The following PTCHD4 variants were observed in gnomAD, a reference collection of about 807,000 sequenced individuals.
The protein encoded by PTCHD4 is patched domain containing 4, also known as patched domain-containing protein 4.
PTCHD4 carries 33 observed loss-of-function variants against 58.1 expected under a neutral mutation model. That is an observed-to-expected ratio of 0.57 (90% confidence interval 0.43 to 0.76). The LOEUF is 0.76. Among genes scored for constraint, PTCHD4 ranks in the 30% least tolerant of loss-of-function variants. PTCHD4 has a pLI of 0.00. For missense variants in PTCHD4, 1,058 were observed against 1,027.1 expected (o/e 1.03, Z -0.41); for synonymous variants, 478 against 409.6 (o/e 1.17, Z -2.02).
At chr6:48,023,705 G>A (rs1384723943) in intron 3 of PTCHD4, among the ~76,000 whole-genome samples, 1 of 152,072 alleles carries the variant, frequency 6.6e-6, no homozygotes, top group Admixed American at 6.6e-5. Flanking sequence ...CAGCAGCTCG[G>A]TTTCTCATAA....
chr6:47,931,085 G>A (rs1014338532), intron 4 of PTCHD4, among the ~76,000 whole-genome samples: 2 of 152,156 alleles, frequency 1.3e-5, no homozygotes, highest in East Asian at 1.9e-4. Context: ...GCACCCGGCC[G>A]AGCATTGTGT....
intron 4 of PTCHD4, among the ~76,000 whole-genome samples, chr6:47,981,694 G>A (rs1767888017): frequency 6.6e-6 from 1 of 152,198 alleles, no homozygotes; most frequent in South Asian, 2.1e-4. Context: ...GGTTGCAGAA[G>A]TGAGGTGGGC....
chr6:48,047,747 T>G (rs966446255), intron 3 of PTCHD4, among the ~76,000 whole-genome samples: 2 of 151,800 alleles, frequency 1.3e-5, no homozygotes, highest in Non-Finnish European at 1.5e-5. Context: ...TTCTATCATG[T>G]GAGGACAGAG....
chr6:47,884,990 G>A (rs572234843), intron 4 of PTCHD4, among the ~76,000 whole-genome samples: 29 of 152,162 alleles, frequency 1.9e-4, no homozygotes, highest in Non-Finnish European at 4.1e-4. Context: ...CTGCTATAGC[G>A]AGCTGGTATA....
intron 4 of PTCHD4, among the ~76,000 whole-genome samples, chr6:47,942,043 G>C (rs1313736715): frequency 6.6e-6 from 1 of 152,154 alleles, no homozygotes; most frequent in East Asian, 1.9e-4. Flanking sequence ...TCCCAGTGCA[G>C]GAAGCTCCCA....
intron 4 of PTCHD4, among the ~76,000 whole-genome samples, chr6:47,922,080 G>A (rs1765450781): frequency 6.6e-6 from 1 of 152,000 alleles, no homozygotes; most frequent in Non-Finnish European, 1.5e-5. Flanking sequence ...TGAGGCTGCA[G>A]TGATGTATGA....
At chr6:48,107,211 C>G (rs1447328527) in intron 1 of PTCHD4, among the ~76,000 whole-genome samples, 1 of 152,128 alleles carries the variant, frequency 6.6e-6, no homozygotes, top group African/African-American at 2.4e-5. Flanking sequence ...TACTACAAGG[C>G]TACAGTAACC....
intron 4 of PTCHD4, among the ~76,000 whole-genome samples, chr6:47,884,892 GAC>G (rs1328604312): frequency 1.3e-5 from 2 of 152,148 alleles, no homozygotes; most frequent in African/African-American, 4.8e-5. Flanking sequence ...CATGAATAGA[GAC>G]AAAAACCCCT....
intron 4 of PTCHD4, among the ~76,000 whole-genome samples, chr6:47,981,629 T>A (rs1581968491): frequency 6.6e-6 from 1 of 152,236 alleles, no homozygotes; most frequent in East Asian, 1.9e-4. Flanking sequence ...TGCCTCTCTT[T>A]ACTAAATAGA....
At chr6:48,110,596 C>T (rs1765849859) in intron 1 of PTCHD4, among the ~76,000 whole-genome samples, 1 of 150,506 alleles carries the variant, frequency 6.6e-6, no homozygotes, top group Non-Finnish European at 1.5e-5. Flanking sequence ...GTATTGTATA[C>T]TGAAAATTTG....
intron 4 of PTCHD4, among the ~76,000 whole-genome samples, chr6:47,945,887 T>A (rs970683695): frequency 5.3e-5 from 8 of 151,856 alleles, no homozygotes; most frequent in Non-Finnish European, 1.2e-4. Context: ...AATGTAAATA[T>A]TACCAATTTA....
chr6:47,914,133 A>T lies in PTCHD4; in HGVS notation c.899-34197T>A, dbSNP rs1337643102. Among the ~76,000 whole-genome samples, 11 of 152,182 alleles carry T rather than the reference A, an allele frequency of 7.2e-5. No individual in the cohort carries two copies. In the East Asian group the frequency reaches 2.1e-3, roughly 29 times the overall value. On this transcript the variant is annotated intron_variant, in intron 4 of 4. Transcript: ENST00000339488. ...AATACACTTATGTTTGGTATTATAT[A>T]CACAAAATATCTGTATGGATGATAG... is the stretch of plus-strand genomic sequence containing the variant.
At chr6:47,993,036 C>T (rs868554764) in intron 4 of PTCHD4, among the ~76,000 whole-genome samples, 3 of 152,162 alleles carry the variant, frequency 2.0e-5, no homozygotes, top group African/African-American at 7.2e-5. Context: ...AATGCCAATG[C>T]TATTTTCAGC....
intron 4 of PTCHD4, among the ~76,000 whole-genome samples, chr6:47,949,274 T>C (rs891862110): frequency 6.6e-6 from 1 of 152,110 alleles, no homozygotes; most frequent in African/African-American, 2.4e-5. Context: ...TGCAAGTATA[T>C]AGGCCATAAG....
chr6:48,099,403 G>T (rs1157968847), intron 1 of PTCHD4, among the ~76,000 whole-genome samples: 2 of 152,154 alleles, frequency 1.3e-5, no homozygotes, highest in Non-Finnish European at 2.9e-5. Flanking sequence ...AAATCTGCTT[G>T]CTTCTTTTGT....
At position 47,879,508 on chromosome 6, in the gene PTCHD4, T is replaced by C. The variant is rs373307518; in HGVS notation, c.1327A>G (p.Ile443Val). ...HETNPYQHHF[I>V]QHFLREHYNE... ...TAATGTTCACGGAGGAAGTGCTGAA[T>C]GAAGTGGTGCTGGTAGGGGTTCGTC... Residue 443 changes from isoleucine to valine, a missense_variant, in exon 5 of 5, where the codon ATT becomes GTT. Coordinates refer to ENST00000339488, the MANE Select transcript of PTCHD4 (RefSeq NM_001384253.1). 29 of 1,613,676 alleles carry C rather than the reference T, an allele frequency of 1.8e-5. No homozygotes were observed. The highest frequency in any genetic ancestry group is 1.7e-6 in the Non-Finnish European group (2 of 1,179,796).
At chr6:48,018,321 T>C (rs904417044) in intron 3 of PTCHD4, among the ~76,000 whole-genome samples, 10 of 152,198 alleles carry the variant, frequency 6.6e-5, no homozygotes, top group African/African-American at 1.9e-4. Flanking sequence ...CTAAAGGTCT[T>C]ACCTTCCCTA....
At chr6:47,967,948 A>C (rs1256453744) in intron 4 of PTCHD4, among the ~76,000 whole-genome samples, 2 of 152,136 alleles carry the variant, frequency 1.3e-5, no homozygotes, top group African/African-American at 4.8e-5. Context: ...CTGTCTTGTC[A>C]TTCATGAAGT....
chr6:47,879,998 T>A (rs1468431578), intron 4 of PTCHD4, 62 bp from the exon 5 acceptor site: 3 of 1,264,120 alleles, frequency 2.4e-6, no homozygotes, highest in Non-Finnish European at 3.2e-6. Flanking sequence ...TCAAGTGAAT[T>A]CCTTATAGTT....
Sources: gnomAD v4.1 joint callset for allele counts (sites outside exome capture counted in the v4.1 genomes callset) on GRCh38, gnomAD v4.1.1 for gene constraint, MANE v1.5 for transcripts, NCBI Gene and HGNC (gene_info 2026-07-23, HGNC 2026-07-21) for gene names.